Variants in TMEFF2 observed in about 807,000 individuals in gnomAD.
TMEFF2 encodes tomoregulin-2.
TMEFF2 carries 28 observed loss-of-function variants against 53.8 expected under a neutral mutation model. The ratio of observed to expected loss-of-function variants is 0.52; its 90% CI spans 0.39 to 0.71. The LOEUF (loss-of-function observed/expected upper bound fraction) is 0.71. TMEFF2 is among the 30% of genes least tolerant of loss of function. The probability of loss-of-function intolerance (pLI) is 0.00; values close to 1 mark genes in which losing one functional copy is unlikely to be tolerated. For synonymous variants in TMEFF2, 162 were observed against 166.3 expected, an observed-to-expected ratio of 0.97 and a Z score of 0.20; for missense variants, 353 against 455.2, an observed-to-expected ratio of 0.78 and a Z score of 2.04.
intron 9 of TMEFF2, among the ~76,000 whole-genome samples, chr2:191,952,801 A>G (rs749516400): frequency 6.6e-6 from 1 of 152,230 alleles, no homozygotes; most frequent in Admixed American, 6.5e-5. Context: ...GTTCAAAACA[A>G]TTTTTAGAGA....
intron 4 of TMEFF2, among the ~76,000 whole-genome samples, chr2:192,170,022 CTG>C (rs1690868669): frequency 1.3e-5 from 2 of 152,018 alleles, no homozygotes; most frequent in African/African-American, 4.8e-5. Flanking sequence ...AAACTGCCAG[CTG>C]TGTTTCTCTT....
At chr2:192,040,101 A>C (rs1687434912) in intron 5 of TMEFF2, among the ~76,000 whole-genome samples, 1 of 152,122 alleles carries the variant, frequency 6.6e-6, no homozygotes, top group Admixed American at 6.5e-5. Context: ...TATTAAATGT[A>C]CACAGTATAC....
At chr2:192,170,396 C>T (rs1488361792) in intron 4 of TMEFF2, among the ~76,000 whole-genome samples, 1 of 151,978 alleles carries the variant, frequency 6.6e-6, no homozygotes, top group Non-Finnish European at 1.5e-5. Flanking sequence ...CTCAATGTTG[C>T]CAGGACCAAA....
chr2:192,046,903 T>C (rs1452145811), intron 5 of TMEFF2, among the ~76,000 whole-genome samples: 2 of 138,886 alleles, frequency 1.4e-5, no homozygotes, highest in African/African-American at 5.1e-5. Context: ...CAGATACCTG[T>C]GTTACCTGTT....
At chr2:191,973,401 ATATT>A (rs1692707586) in intron 7 of TMEFF2, among the ~76,000 whole-genome samples, 1 of 152,182 alleles carries the variant, frequency 6.6e-6, no homozygotes, top group Admixed American at 6.5e-5. Context: ...ACATGAATAC[ATATT>A]TATATATATG....
intron 5 of TMEFF2, among the ~76,000 whole-genome samples, chr2:192,026,613 T>A (rs563146999): frequency 3.9e-5 from 6 of 152,308 alleles, no homozygotes; most frequent in South Asian, 2.1e-4. Context: ...AGCCTTTTTT[T>A]AAAACACTGT....
At chr2:192,187,330 C>T (rs1691339145) in intron 2 of TMEFF2, among the ~76,000 whole-genome samples, 1 of 152,104 alleles carries the variant, frequency 6.6e-6, no homozygotes, top group Non-Finnish European at 1.5e-5. Context: ...TCTTGTAATA[C>T]TCACTTATAC....
Position 192,177,792 on chromosome 2 carries a change from A to G in TMEFF2, c.439+1876T>C, listed in dbSNP as rs1691081894. The G allele has an allele frequency of 3.3e-5, 5 of 151,194 alleles. No individual in the cohort carries two copies. The South Asian group carries it at 1.0e-3, about 31-fold the overall frequency. 9.4% of individuals were successfully genotyped at this position (151,194 alleles called of 1,614,324 possible). On this transcript the variant is annotated intron_variant, in intron 4 of 9. Coordinates refer to ENST00000272771, the MANE Select transcript of TMEFF2 (RefSeq NM_016192.4). ...TTCATGAGATTAAAATTATTTCCTG[A>G]AAAAATGTCTTATTCAGATCACAAG...
chr2:191,964,335 T>TC (rs1489759105), intron 7 of TMEFF2, among the ~76,000 whole-genome samples: 71 of 26,984 alleles, frequency 2.6e-3, no homozygotes, highest in African/African-American at 8.9e-3. Context: ...TTTCTTTCCT[T>TC]CTTTCTTTCT....
At chr2:191,954,664 T>C (rs932152334) in intron 8 of TMEFF2, among the ~76,000 whole-genome samples, 4 of 152,048 alleles carry the variant, frequency 2.6e-5, no homozygotes, top group African/African-American at 9.7e-5. Context: ...AATTTTCTGG[T>C]CAAAAAAATC....
intron 4 of TMEFF2, among the ~76,000 whole-genome samples, chr2:192,139,471 CA>C (rs2105988135): frequency 6.6e-6 from 1 of 152,198 alleles, no homozygotes; most frequent in East Asian, 1.9e-4. Flanking sequence ...TGTAGCAGTC[CA>C]AACACTGATG....
At chr2:192,148,789 T>C (rs1690314744) in intron 4 of TMEFF2, among the ~76,000 whole-genome samples, 1 of 152,076 alleles carries the variant, frequency 6.6e-6, no homozygotes, top group African/African-American at 2.4e-5. Context: ...TGCATTTGTC[T>C]AGACTTTATT....
At chr2:192,001,532 GA>G (rs756545363) in intron 5 of TMEFF2, among the ~76,000 whole-genome samples, 3 of 152,128 alleles carry the variant, frequency 2.0e-5, no homozygotes, top group Non-Finnish European at 4.4e-5. Flanking sequence ...AGGGAATAGA[GA>G]TGGTGATATA....
chr2:192,189,615 G>C (rs1456945956), intron 2 of TMEFF2, among the ~76,000 whole-genome samples: 1 of 142,734 alleles, frequency 7.0e-6, no homozygotes, highest in Non-Finnish European at 1.5e-5. Context: ...AGAAACAGAA[G>C]TTTAGGATAA....
chr2:192,023,867 G>A (rs1686912978), intron 5 of TMEFF2, among the ~76,000 whole-genome samples: 1 of 152,032 alleles, frequency 6.6e-6, no homozygotes, highest in South Asian at 2.1e-4. Context: ...ATTGGATGAA[G>A]GTTTAGCAAC....
At chr2:192,025,936 C>T (rs1339030955) in intron 5 of TMEFF2, among the ~76,000 whole-genome samples, 2 of 152,142 alleles carry the variant, frequency 1.3e-5, no homozygotes, top group East Asian at 1.9e-4. Flanking sequence ...TTCTAAACTG[C>T]GGAGTTGACT....
intron 4 of TMEFF2, among the ~76,000 whole-genome samples, chr2:192,150,574 TC>T: frequency 6.6e-6 from 1 of 151,930 alleles, no homozygotes; most frequent in East Asian, 1.9e-4. Flanking sequence ...CATCCTATGT[TC>T]TTTATTCCAC....
chr2:192,155,289 G>A (rs1690481638), intron 4 of TMEFF2, among the ~76,000 whole-genome samples: 1 of 151,922 alleles, frequency 6.6e-6, no homozygotes, highest in Non-Finnish European at 1.5e-5. Context: ...AACTAAAGTG[G>A]CTATCCTTGT....
intron 4 of TMEFF2, among the ~76,000 whole-genome samples, chr2:192,094,584 T>C (rs958635250): frequency 6.6e-6 from 1 of 152,078 alleles, no homozygotes; most frequent in Admixed American, 6.6e-5. Flanking sequence ...CTGAAGAGGA[T>C]GCCCTCGGAG....
Sources: allele counts gnomAD v4.1 joint callset (sites outside exome capture counted in the v4.1 genomes callset), GRCh38; gene constraint gnomAD v4.1.1; transcripts MANE v1.5; gene names NCBI Gene and HGNC (gene_info 2026-07-23, HGNC 2026-07-21).